TRAPPC12: variants seen among roughly 807,000 people sequenced by gnomAD.
TRAPPC12 encodes TPR repeat protein 15.
TRAPPC12 carries 61 observed loss-of-function variants against 69.2 expected under a neutral mutation model. That is an observed-to-expected ratio of 0.88 (90% CI 0.72 to 1.09). The LOEUF is 1.09. Ranked by LOEUF, TRAPPC12 falls within the 50% of genes least tolerant of loss-of-function variation. TRAPPC12 has a pLI of 0.00. For missense variants in TRAPPC12, 1,101 were observed against 1,016.4 expected (o/e 1.08, Z -1.13); for synonymous variants, 469 against 438.9 (o/e 1.07, Z -0.86).
At chr2:3,402,558 GC>G (rs1661505375) in intron 3 of TRAPPC12, among the ~76,000 whole-genome samples, 1 of 152,166 alleles carries the variant, frequency 6.6e-6, no homozygotes, top group South Asian at 2.1e-4. Flanking sequence ...TCACACCACT[GC>G]CACTCCAGCC....
rs1211759477 is a variant in TRAPPC12, at chr2:3,388,608, G to A, written c.985G>A (p.Gly329Ser). The change falls in exon 2 of 12, where the codon GGC (glycine) becomes AGC (serine). Residue 329 changes from glycine to serine, a missense_variant. Transcript: ENST00000324266. ...GCGGGCCGTGGCCACCCAGCAGCGC[G>A]GCGCCGTGTTCGTGGACAAGGAGAA... ...VLRAVATQQR[G>S]AVFVDKENLT... is the part of the protein sequence containing the mutation. The A allele has an allele frequency of 2.5e-6, 4 of 1,603,894 alleles. No individual in the cohort carries two copies. The highest frequency in any genetic ancestry group is 2.3e-5 in the East Asian group (1 of 44,410).
intron 2 of TRAPPC12, among the ~76,000 whole-genome samples, chr2:3,401,268 C>T (rs929006599): frequency 2.0e-5 from 3 of 152,208 alleles, no homozygotes; most frequent in African/African-American, 7.2e-5. Flanking sequence ...CCTAGCCCTC[C>T]AGGCTTTCCT....
intron 9 of TRAPPC12, chr2:3,466,284 A>G: frequency 8.5e-6 from 4 of 471,120 alleles, no homozygotes; most frequent in Non-Finnish European, 1.8e-5. Flanking sequence ...TGCCCCTCTC[A>G]CCCTCAGTCT....
In TRAPPC12 at chr2:3,431,644, A is replaced by G. The variant is rs533105986; in HGVS notation, c.1417+6981A>G. On this transcript the variant is annotated intron_variant, in intron 5 of 11. Transcript: ENST00000324266. ...TACACTAGTGCAGATTGTTTCTCCCATTATAGGGTTTGCAGTCATGAAAAG... is the reference window on the plus strand; with the variant it reads ...TACACTAGTGCAGATTGTTTCTCCCGTTATAGGGTTTGCAGTCATGAAAAG... Among the ~76,000 whole-genome samples the G allele has an allele frequency of 2.0e-5, 3 of 150,364 alleles. No individual in the cohort carries two copies. In the South Asian group the frequency reaches 6.3e-4, roughly 32 times the overall value.
intron 9 of TRAPPC12, among the ~76,000 whole-genome samples, chr2:3,469,987 C>G (rs370324711): frequency 9.8e-5 from 15 of 152,334 alleles, no homozygotes; most frequent in African/African-American, 3.4e-4. Context: ...GCATTTTCTA[C>G]AATCTTGAAT....
chr2:3,406,613 T>G (rs1326875951), intron 3 of TRAPPC12, among the ~76,000 whole-genome samples: 1 of 152,256 alleles, frequency 6.6e-6, no homozygotes, highest in Non-Finnish European at 1.5e-5. Flanking sequence ...GTATCCTTTA[T>G]AATTTGCTAA....
chr2:3,396,722 C>T (rs1370848803), intron 2 of TRAPPC12, among the ~76,000 whole-genome samples: 1 of 152,164 alleles, frequency 6.6e-6, no homozygotes, highest in Non-Finnish European at 1.5e-5. Flanking sequence ...TTTTAGTTTG[C>T]AGCTAATCCT....
rs1333840753 is a variant in TRAPPC12 at position 3,472,010 on chromosome 2, A to G, written c.1777-5685A>G. On this transcript the variant is annotated intron_variant, in intron 9 of 11. Transcript: ENST00000324266. ...GTCCTGGACCAAAGGTCAGAGCCCA[A>G]GGTGATCAGGCAGGAGAAAGCCTCA... is the stretch of plus-strand genomic sequence containing the variant. 2.0e-5 allele frequency among the ~76,000 whole-genome samples: 3 copies of G among 152,214 alleles called. No individual in the cohort carries two copies. The East Asian group carries it at 5.8e-4, about 29-fold the overall frequency.
At chr2:3,399,699 GGT>G (rs1430403795) in intron 2 of TRAPPC12, among the ~76,000 whole-genome samples, 8 of 152,152 alleles carry the variant, frequency 5.3e-5, no homozygotes, top group Non-Finnish European at 1.0e-4. Context: ...TTGCTCTCAT[GGT>G]CTAGATTCTG....
At chr2:3,464,237 C>G (rs908065672) in intron 8 of TRAPPC12, among the ~76,000 whole-genome samples, 9 of 152,186 alleles carry the variant, frequency 5.9e-5, no homozygotes, top group Admixed American at 5.9e-4. Context: ...ACAGCAGAGA[C>G]AGGCAGCAGG....
At chr2:3,393,791 C>T (rs536104516) in intron 2 of TRAPPC12, among the ~76,000 whole-genome samples, 17 of 151,738 alleles carry the variant, frequency 1.1e-4, no homozygotes, top group African/African-American at 3.4e-4. Flanking sequence ...TTGCCTGATA[C>T]GTAGACATAT....
At chr2:3,408,645 A>T (rs556601735) in intron 3 of TRAPPC12, among the ~76,000 whole-genome samples, 7 of 152,284 alleles carry the variant, frequency 4.6e-5, no homozygotes, top group Middle Eastern at 3.4e-3. Context: ...ATTTAAAAAA[A>T]AATAATAATA....
intron 6 of TRAPPC12, among the ~76,000 whole-genome samples, chr2:3,450,558 G>A (rs2103117096): frequency 6.6e-6 from 1 of 152,268 alleles, no homozygotes; most frequent in South Asian, 2.1e-4. Flanking sequence ...GGTGGCGAGG[G>A]GGCGCACGTC....
At chr2:3,390,810 C>G (rs559683315) in intron 2 of TRAPPC12, among the ~76,000 whole-genome samples, 2 of 152,118 alleles carry the variant, frequency 1.3e-5, no homozygotes, top group Non-Finnish European at 2.9e-5. Flanking sequence ...GTGCGTTGAT[C>G]ATGGGGAAGA....
chr2:3,468,371 G>A (rs1331845098), intron 9 of TRAPPC12, among the ~76,000 whole-genome samples: 5 of 152,018 alleles, frequency 3.3e-5, no homozygotes, highest in Admixed American at 3.3e-4. Context: ...CCCTGGTCCA[G>A]CTGCTCAGGC....
intron 9 of TRAPPC12, among the ~76,000 whole-genome samples, chr2:3,476,647 C>T (rs144713003): frequency 1.3e-5 from 2 of 152,228 alleles, no homozygotes; most frequent in Non-Finnish European, 1.5e-5. Context: ...CCATGGAGAA[C>T]CATCTCCCCA....
At chr2:3,426,520 C>T (rs189500877) in intron 5 of TRAPPC12, among the ~76,000 whole-genome samples, 1 of 152,372 alleles carries the variant, frequency 6.6e-6, no homozygotes, top group Admixed American at 6.5e-5. Context: ...GGAGCTCTGT[C>T]TGCCGTGGCC....
At chr2:3,450,309 G>T (rs777707715) in intron 6 of TRAPPC12, among the ~76,000 whole-genome samples, 3 of 152,178 alleles carry the variant, frequency 2.0e-5, no homozygotes, top group Non-Finnish European at 4.4e-5. Context: ...TGCTTTTCTC[G>T]GCAGTATGTG....
chr2:3,425,430 T>A (rs905474713), intron 5 of TRAPPC12, among the ~76,000 whole-genome samples: 3 of 152,192 alleles, frequency 2.0e-5, no homozygotes, highest in Non-Finnish European at 1.5e-5. Flanking sequence ...CCCCATTGAA[T>A]CGCGTAGCCT....
Sources: gnomAD v4.1 joint callset for allele counts (sites outside exome capture counted in the v4.1 genomes callset) on GRCh38, gnomAD v4.1.1 for gene constraint, MANE v1.5 for transcripts, NCBI Gene and HGNC (gene_info 2026-07-23, HGNC 2026-07-21) for gene names.